Variants in RBFOX2 observed in about 807,000 individuals in gnomAD.
RBFOX2 encodes RNA binding protein fox-1 homolog 2.
RBFOX2 carries 10 observed loss-of-function variants against 49.1 expected under a neutral mutation model. The ratio of observed to expected loss-of-function variants is 0.20; its 90% CI spans 0.13 to 0.35. The LOEUF (loss-of-function observed/expected upper bound fraction) is 0.35. Ranked by LOEUF, RBFOX2 falls within the 10% of genes least tolerant of loss-of-function variation. The pLI, the probability that RBFOX2 is intolerant of heterozygous loss-of-function variation, is 1.00. For synonymous variants in RBFOX2, 183 were observed against 187.4 expected (o/e 0.98, Z 0.19); for missense variants, 323 against 486.9 (o/e 0.66, Z 3.17).
intron 1 of RBFOX2, among the ~76,000 whole-genome samples, chr22:35,916,819 C>A (rs1028943450): frequency 1.1e-4 from 17 of 151,032 alleles, no homozygotes; most frequent in Non-Finnish European, 1.2e-4. Context: ...TGCAGCAAGC[C>A]GAGATCACGC....
At chr22:35,862,938 CATT>C (rs771341700) in intron 1 of RBFOX2, among the ~76,000 whole-genome samples, 20 of 152,274 alleles carry the variant, frequency 1.3e-4, no homozygotes, top group Middle Eastern at 3.4e-3. Context: ...TCGTCATCAT[CATT>C]ATCTCTGATA....
chr22:35,840,298 C>T (rs893495520), exon 1 of RBFOX2: 4 of 1,601,478 alleles, frequency 2.5e-6, no homozygotes, highest in African/African-American at 1.3e-5. Flanking sequence ...CCACCCCCCT[C>T]CCCCCCCAAT....
At chr22:35,968,018 C>T (rs147045979) in intron 1 of RBFOX2, among the ~76,000 whole-genome samples, 1 of 152,140 alleles carries the variant, frequency 6.6e-6, no homozygotes, top group Non-Finnish European at 1.5e-5. Flanking sequence ...TGCTTTCACA[C>T]ACCCACACAA....
chr22:35,919,626 T>C (rs774933848), intron 1 of RBFOX2, among the ~76,000 whole-genome samples: 1 of 152,142 alleles, frequency 6.6e-6, no homozygotes, highest in Non-Finnish European at 1.5e-5. Context: ...GTGATGGTGA[T>C]GGCTGAATGA....
intron 1 of RBFOX2, among the ~76,000 whole-genome samples, chr22:35,872,858 C>A (rs979897358): frequency 6.6e-6 from 1 of 152,110 alleles, no homozygotes; most frequent in Non-Finnish European, 1.5e-5. Flanking sequence ...AAAAATGCAA[C>A]ACTTGGGCAT....
intron 1 of RBFOX2, among the ~76,000 whole-genome samples, chr22:35,912,389 A>G (rs1168098517): frequency 6.6e-6 from 1 of 152,198 alleles, no homozygotes; most frequent in Non-Finnish European, 1.5e-5. Context: ...CAAGTGATGG[A>G]GCAAGCAATA....
At chr22:35,781,284 T>A (rs1004056258) in intron 3 of RBFOX2, among the ~76,000 whole-genome samples, 2 of 152,194 alleles carry the variant, frequency 1.3e-5, no homozygotes, top group Non-Finnish European at 2.9e-5. Context: ...ATTATTGGTA[T>A]GTTTACTGAG....
chr22:35,774,101 C>T (rs1004524045), intron 4 of RBFOX2, among the ~76,000 whole-genome samples: 1 of 151,932 alleles, frequency 6.6e-6, no homozygotes, highest in Non-Finnish European at 1.5e-5. Flanking sequence ...TTTTCCTTTT[C>T]AAAGACTGCT....
At chr22:36,008,892 C>T (rs1442493973) in intron 1 of RBFOX2, among the ~76,000 whole-genome samples, 1 of 152,034 alleles carries the variant, frequency 6.6e-6, no homozygotes, top group Non-Finnish European at 1.5e-5. Context: ...GTAAAATATA[C>T]AATCTATCTT....
chr22:35,792,922 A>C (rs886834704), intron 2 of RBFOX2, among the ~76,000 whole-genome samples: 1 of 152,206 alleles, frequency 6.6e-6, no homozygotes, highest in African/African-American at 2.4e-5. Flanking sequence ...GTTAGCACTT[A>C]AAGTACTTTT....
intron 2 of RBFOX2, among the ~76,000 whole-genome samples, chr22:35,783,428 T>G (rs78377267): frequency 2.6e-5 from 4 of 152,130 alleles, no homozygotes; most frequent in African/African-American, 9.7e-5. Flanking sequence ...AACTTTTTTT[T>G]GAAACTATAC....
chr22:35,879,030 G>A (rs755313095), intron 1 of RBFOX2, among the ~76,000 whole-genome samples: 2 of 152,122 alleles, frequency 1.3e-5, no homozygotes, highest in Non-Finnish European at 2.9e-5. Flanking sequence ...GTGCCTGGCC[G>A]TATGGCCTGT....
rs753139342 is a variant in RBFOX2, at chr22:36,028,334, G to C, written c.92C>G (p.Pro31Arg). The C allele has an allele frequency of 4.7e-6, 7 of 1,497,774 alleles. No homozygotes were observed. The Admixed American group carries it at 1.0e-4, about 22-fold the overall frequency. The allele number at this position is 1,497,774 out of a possible 1,614,324, so 92.8% of individuals were successfully genotyped here. A position where few individuals can be genotyped will look rare whatever the true frequency, so the allele number is the denominator to read the frequency against. The stretch of plus-strand genomic sequence containing the variant: ...TCCGTCTCCTCCCGCTCCGGGCACC[G>C]GCAGCTCCAGCTCCGACTCCCGCTT... The change falls in exon 1 of 14, where the codon CCG (proline) becomes CGG (arginine). Residue 31 changes from proline (P) to arginine (R), a missense_variant. By Grantham distance (103) the Pro-to-Arg change is moderately radical (BLOSUM62 -2). Transcript: ENST00000438146.
At chr22:35,786,970 G>A (rs1411125754) in intron 2 of RBFOX2, among the ~76,000 whole-genome samples, 1 of 152,156 alleles carries the variant, frequency 6.6e-6, no homozygotes, top group East Asian at 1.9e-4. Flanking sequence ...TGCAGCAAGA[G>A]TCTCCGGGAG....
At chr22:35,961,576 C>G (rs1364854542) in exon 1 of RBFOX2, 9 of 1,304,070 alleles carry the variant, frequency 6.9e-6, no homozygotes, top group Non-Finnish European at 9.1e-6. Context: ...ACAGGGGTTC[C>G]TGGGCTGGTC....
rs887903341 is a variant in RBFOX2, at chr22:35,889,054, T to A, written c.-34+49793A>T. ...CTGTAATCCCAGCTACCTGGGAGGC[T>A]TGAGGCAGGAGAATCGCTTGAATGC... is the stretch of plus-strand genomic sequence containing the variant. On this transcript the variant is annotated intron_variant, in intron 1 of 13. Transcript: ENST00000359369. Among the ~76,000 whole-genome samples the A allele has an allele frequency of 2.6e-5, 4 of 152,034 alleles. No individual in the cohort carries two copies. The East Asian group carries it at 7.7e-4, about 29-fold the overall frequency.
intron 1 of RBFOX2, among the ~76,000 whole-genome samples, chr22:35,974,900 T>C (rs2057067894): frequency 1.3e-5 from 2 of 152,138 alleles, no homozygotes; most frequent in South Asian, 4.2e-4. Flanking sequence ...TCTCTGACCT[T>C]CTCTCCCCAG....
chr22:36,014,665 T>C (rs1047250161), intron 1 of RBFOX2, among the ~76,000 whole-genome samples: 1 of 152,014 alleles, frequency 6.6e-6, no homozygotes, highest in Non-Finnish European at 1.5e-5. Flanking sequence ...AAAATAAGCT[T>C]CTCATTATTG....
At chr22:35,856,615 A>G (rs1428533552) in intron 1 of RBFOX2, among the ~76,000 whole-genome samples, 16 of 149,988 alleles carry the variant, frequency 1.1e-4, no homozygotes, top group Non-Finnish European at 5.9e-5. Flanking sequence ...GGTCAGTTCT[A>G]GAGGCCAGGA....
Sources: gnomAD v4.1 joint callset for allele counts (sites outside exome capture counted in the v4.1 genomes callset) on GRCh38, gnomAD v4.1.1 for gene constraint, MANE v1.5 for transcripts, NCBI Gene and HGNC (gene_info 2026-07-23, HGNC 2026-07-21) for gene names.